CHST3: variants seen among roughly 807,000 people sequenced by gnomAD.
The protein encoded by CHST3 is carbohydrate sulfotransferase 3, also known as C6ST-1.
Under a neutral mutation model 35.4 loss-of-function variants are expected in CHST3, and 20 were observed. The observed-to-expected ratio is 0.57, with a 90% CI of 0.40 to 0.82. CHST3 has a LOEUF of 0.82. CHST3 is among the 40% of genes least tolerant of loss of function. CHST3 has a pLI of 0.00. For synonymous variants in CHST3, 334 were observed against 295.9 expected, an observed-to-expected ratio of 1.13 and a Z score of -1.32; for missense variants, 693 against 670.1, an observed-to-expected ratio of 1.03 and a Z score of -0.38.
intron 1 of CHST3, among the ~76,000 whole-genome samples, chr10:71,981,232 G>A (rs187096893): frequency 5.9e-5 from 9 of 152,304 alleles, no homozygotes; most frequent in East Asian, 1.9e-4. Context: ...ATTGTATCAC[G>A]CGGCAGCACC....
intron 1 of CHST3, among the ~76,000 whole-genome samples, chr10:71,983,830 G>A (rs1839822543): frequency 6.6e-6 from 1 of 152,216 alleles, no homozygotes; most frequent in African/African-American, 2.4e-5. Context: ...CAGGAAAATA[G>A]GGTCTAGAGG....
Position 72,009,168 on chromosome 10 carries a change from G to A in CHST3, c.*697G>A, listed in dbSNP as rs1367316114. On this transcript the variant is annotated 3_prime_UTR_variant, in exon 3 of 3. Coordinates refer to ENST00000373115, the MANE Select transcript of CHST3 (RefSeq NM_004273.5). ...GCACAAGTGCACACACATCTATGCA[G>A]ACAAGCTTCCTCGCTGCTTATGCCC... 1.3e-5 allele frequency: 2 copies of A among 152,272 alleles called. No homozygotes were observed. Among genetic ancestry groups the A allele is most frequent in the Non-Finnish European group, 1.5e-5 (1 of 68,076 alleles). The allele number at this position is 152,272 out of a possible 1,614,324, so 9.4% of individuals were successfully genotyped here. A position where few individuals can be genotyped will look rare whatever the true frequency, so the allele number is the denominator to read the frequency against.
In CHST3 at chr10:72,001,763, G is replaced by C. The variant is rs559848414; in HGVS notation, c.-107-3973G>C. On this transcript the variant is annotated intron_variant, in intron 1 of 2. Transcript: ENST00000373115. The stretch of plus-strand genomic sequence containing the variant: ...TGGGATTACAGGCGTGAACCATCGT[G>C]CCTGGCCGGATGAAAGGTATTGAGT... 1.3e-3 allele frequency among the ~76,000 whole-genome samples: 200 copies of C among 152,278 alleles called. 1 individual carries two copies. The highest frequency in any genetic ancestry group is 2.3e-3 in the Non-Finnish European group (154 of 68,016).
intron 1 of CHST3, among the ~76,000 whole-genome samples, chr10:71,979,613 T>C (rs1199210583): frequency 6.6e-6 from 1 of 152,220 alleles, no homozygotes; most frequent in Non-Finnish European, 1.5e-5. Context: ...CGGTACCGCC[T>C]TCCCTTTTCT....
At chr10:71,991,190 T>G (rs1839893543) in intron 1 of CHST3, among the ~76,000 whole-genome samples, 1 of 152,240 alleles carries the variant, frequency 6.6e-6, no homozygotes, top group Non-Finnish European at 1.5e-5. Flanking sequence ...GGCCTCAGCC[T>G]GACTGCAAAA....
chr10:71,982,289 G>A (rs972482048), intron 1 of CHST3, among the ~76,000 whole-genome samples: 2 of 152,254 alleles, frequency 1.3e-5, no homozygotes, highest in African/African-American at 4.8e-5. Flanking sequence ...GCCATTGCTG[G>A]TTTGCAGATG....
At chr10:71,998,380 G>A (rs1050427528) in intron 1 of CHST3, among the ~76,000 whole-genome samples, 1 of 152,210 alleles carries the variant, frequency 6.6e-6, no homozygotes. Flanking sequence ...TGAGCCAGCA[G>A]ACTCCTCCCG....
Position 72,008,534 on chromosome 10 carries a change from C to G in CHST3, c.*63C>G. On this transcript the variant is annotated 3_prime_UTR_variant, in exon 3 of 3. Transcript: ENST00000373115. ...CCTGCCCCGTCTTTCTGCCGCAGCC[C>G]TCGCAGAGGGCGGGTGCACAGCGCC... is the stretch of plus-strand genomic sequence containing the variant. 1 of 1,454,210 alleles carries G rather than the reference C, an allele frequency of 6.9e-7. No individual in the cohort carries two copies. The highest frequency in any genetic ancestry group is 9.1e-7 in the Non-Finnish European group (1 of 1,103,786). 90.1% of individuals were successfully genotyped at this position (1,454,210 alleles called of 1,614,324 possible). A position where few individuals can be genotyped will look rare whatever the true frequency, so the allele number is the denominator to read the frequency against.
chr10:71,985,543 C>T (rs935436488), intron 1 of CHST3, among the ~76,000 whole-genome samples: 6 of 152,134 alleles, frequency 3.9e-5, no homozygotes, highest in African/African-American at 1.4e-4. Context: ...TTGAACCCAA[C>T]TAGTTCACTC....
At chr10:71,984,617 G>C (rs1839830008) in intron 1 of CHST3, among the ~76,000 whole-genome samples, 1 of 152,186 alleles carries the variant, frequency 6.6e-6, no homozygotes, top group Admixed American at 6.5e-5. Flanking sequence ...GTGGACTGTG[G>C]AGCCAGGCTT....
chr10:71,999,360 G>GCA (rs1839970514), intron 1 of CHST3, among the ~76,000 whole-genome samples: 1 of 152,234 alleles, frequency 6.6e-6, no homozygotes, highest in Non-Finnish European at 1.5e-5. Flanking sequence ...CAGCCTCCCA[G>GCA]CACCCAGCAC....
chr10:71,984,535 G>T (rs1839829211), intron 1 of CHST3, among the ~76,000 whole-genome samples: 1 of 152,196 alleles, frequency 6.6e-6, no homozygotes, highest in Non-Finnish European at 1.5e-5. Context: ...ACTCTGATCT[G>T]TCCACTGCTG....
chr10:71,983,769 T>C (rs1453363091), intron 1 of CHST3, among the ~76,000 whole-genome samples: 2 of 151,966 alleles, frequency 1.3e-5, no homozygotes, highest in Non-Finnish European at 2.9e-5. Flanking sequence ...GCATATTTTT[T>C]AGAGTAAAAG....
Position 71,996,612 on chromosome 10 carries a change from T to C in CHST3, c.-107-9124T>C, listed in dbSNP as rs570545462. ...AAATTAACTTTATGCTGGCCTTCTT[T>C]TTTCAGTGGAGTATTAATTAAGCAT... is the stretch of plus-strand genomic sequence containing the variant. On this transcript the variant is annotated intron_variant, in intron 1 of 2. Transcript: ENST00000373115. Among the ~76,000 whole-genome samples the C allele has an allele frequency of 4.5e-4, 68 of 152,300 alleles. No homozygotes were observed. In the South Asian group the frequency reaches 0.013, roughly 30 times the overall value.
At position 72,008,544 on chromosome 10, in the gene CHST3, G is replaced by A. The variant is rs1840074229; in HGVS notation, c.*73G>A. 1 of 1,448,830 alleles carries A rather than the reference G, an allele frequency of 6.9e-7. No homozygotes were observed. Among genetic ancestry groups the A allele is most frequent in the East Asian group, 2.5e-5 (1 of 40,058 alleles). The allele number at this position is 1,448,830 out of a possible 1,614,324, so 89.7% of individuals were successfully genotyped here. A position where few individuals can be genotyped will look rare whatever the true frequency, so the allele number is the denominator to read the frequency against. On this transcript the variant is annotated 3_prime_UTR_variant, in exon 3 of 3. Transcript: ENST00000373115. ...CTTTCTGCCGCAGCCCTCGCAGAGGGCGGGTGCACAGCGCCATGAGCGGGC... is the reference window on the plus strand; with the variant it reads ...CTTTCTGCCGCAGCCCTCGCAGAGGACGGGTGCACAGCGCCATGAGCGGGC...
At chr10:71,983,987 G>A (rs998671834) in intron 1 of CHST3, among the ~76,000 whole-genome samples, 1 of 152,144 alleles carries the variant, frequency 6.6e-6, no homozygotes, top group Non-Finnish European at 1.5e-5. Flanking sequence ...CCTCTAGAGG[G>A]TATTTAAACT....
chr10:71,996,644 T>C (rs1839942427), intron 1 of CHST3, among the ~76,000 whole-genome samples: 1 of 152,196 alleles, frequency 6.6e-6, no homozygotes, highest in African/African-American at 2.4e-5. Context: ...GCATCTTGTA[T>C]GTGCCCAATA....
At chr10:71,972,129 G>A (rs961493139) in intron 1 of CHST3, among the ~76,000 whole-genome samples, 3 of 152,076 alleles carry the variant, frequency 2.0e-5, no homozygotes, top group Non-Finnish European at 2.9e-5. Context: ...AGGTGGCTCC[G>A]GTTATTCCCA....
rs1840105334 is a variant in CHST3, at chr10:72,011,080, T to C, written c.*2609T>C. On this transcript the variant is annotated 3_prime_UTR_variant, in exon 3 of 3. Transcript: ENST00000373115. ...CTTATTATCTGCAGGGACTCAAAGC[T>C]GTACCCAAATCAAGAAAGACAAAAT... The C allele has an allele frequency of 6.6e-6, 1 of 152,226 alleles. No homozygotes were observed. Among genetic ancestry groups the C allele is most frequent in the African/African-American group, 2.4e-5 (1 of 41,446 alleles). The allele number at this position is 152,226 out of a possible 1,614,324, so 9.4% of individuals were successfully genotyped here.
Sources: allele counts gnomAD v4.1 joint callset (sites outside exome capture counted in the v4.1 genomes callset), GRCh38; gene constraint gnomAD v4.1.1; transcripts MANE v1.5; gene names NCBI Gene and HGNC (gene_info 2026-07-23, HGNC 2026-07-21).